GSR: variants seen among roughly 807,000 people sequenced by gnomAD.
GSR encodes glutathione-disulfide reductase.
Under a neutral mutation model 56.5 loss-of-function variants are expected in GSR, and 48 were observed. The ratio of observed to expected loss-of-function variants is 0.85; its 90% CI spans 0.67 to 1.08. The LOEUF is 1.08. Among genes scored for constraint, GSR ranks in the 50% least tolerant of loss-of-function variants. The pLI is 0.00. For missense variants in GSR, 694 were observed against 703.3 expected (o/e 0.99, Z 0.15); for synonymous variants, 264 against 270.8 (o/e 0.97, Z 0.25).
At chr8:30,719,231 C>T (rs1036738570) in intron 1 of GSR, among the ~76,000 whole-genome samples, 6 of 151,446 alleles carry the variant, frequency 4.0e-5, no homozygotes, top group African/African-American at 1.5e-4. Flanking sequence ...CTCAGCCTCC[C>T]GAGTAGCTGG....
intron 4 of GSR, chr8:30,704,585 G>T (rs1368966655): frequency 6.6e-6 from 1 of 152,324 alleles, no homozygotes; most frequent in East Asian, 1.9e-4. Context: ...TCACTTAGGG[G>T]CTGCTGGCAC....
Position 30,693,654 on chromosome 8 carries a change from G to A in GSR, c.796-599C>T, listed in dbSNP as rs562528869. 1.1e-4 allele frequency among the ~76,000 whole-genome samples: 17 copies of A among 151,980 alleles called. 1 individual carries two copies. In the East Asian group the frequency reaches 2.5e-3, roughly 23 times the overall value. The stretch of plus-strand genomic sequence containing the variant: ...AGCAATTCTCCCGCCTCATCCTCCC[G>A]AGGAGCTGGGATTACAGGCGCCCAC... On this transcript the variant is annotated intron_variant, in intron 7 of 12. Transcript: ENST00000221130.
At chr8:30,684,933 ATTTATTTATTTATTTATTTATT>A (rs1803106920) in intron 9 of GSR, among the ~76,000 whole-genome samples, 1 of 346 alleles carries the variant, frequency 2.9e-3, no homozygotes, top group Admixed American at 0.028. Flanking sequence ...ACATACATTT[ATTTATTTATTTATTTATTTATT>A]TATTTATTTA....
At chr8:30,714,860 T>C (rs980498285) in intron 1 of GSR, among the ~76,000 whole-genome samples, 2 of 152,182 alleles carry the variant, frequency 1.3e-5, no homozygotes, top group African/African-American at 4.8e-5. Context: ...AACAGTTTAA[T>C]GATCACTCAC....
At chr8:30,712,134 AC>A (rs781303384) in intron 1 of GSR, 46 bp from the exon 2 acceptor site, 69 of 1,092,010 alleles carry the variant, frequency 6.3e-5, no homozygotes, top group Non-Finnish European at 8.2e-5. Flanking sequence ...TTGAATTCAA[AC>A]CATCAAACGA....
chr8:30,679,266 G>C lies in GSR; in HGVS notation c.*254C>G. 2.0e-6 allele frequency: 1 copy of C among 491,092 alleles called. No individual in the cohort carries two copies. The highest frequency in any genetic ancestry group is 2.2e-5 in the South Asian group (1 of 44,732). The allele number at this position is 491,092 out of a possible 1,614,324, so 30.4% of individuals were successfully genotyped here. ...AAAACAGAAAAAAAAAACTAGCACA[G>C]AGCTGTTAATAAAAAAAAAACTTGA... On this transcript the variant is annotated 3_prime_UTR_variant, in exon 13 of 13. Coordinates refer to ENST00000221130, the MANE Select transcript of GSR (RefSeq NM_000637.5).
intron 1 of GSR, among the ~76,000 whole-genome samples, chr8:30,724,707 T>C (rs2472217): frequency 6.6e-6 from 1 of 152,020 alleles, no homozygotes; most frequent in Non-Finnish European, 1.5e-5. Context: ...GGCTAATTTT[T>C]GTATTTTTAG....
In GSR at chr8:30,684,809, G is replaced by A. The variant is rs146389537; in HGVS notation, c.1042-610C>T. Among the ~76,000 whole-genome samples the A allele has an allele frequency of 3.5e-3, 536 of 152,138 alleles. 3 individuals carry two copies. The highest frequency in any genetic ancestry group is 0.012 in the African/African-American group (501 of 41,526). On this transcript the variant is annotated intron_variant, in intron 9 of 12. Transcript: ENST00000221130. Reference sequence around the variant, plus strand: ...CTGTTACCCAGGCTGGAGTGCAGTGGTGTGATCATGGCTCACTGCAATCTT... The same window carrying A: ...CTGTTACCCAGGCTGGAGTGCAGTGATGTGATCATGGCTCACTGCAATCTT...
chr8:30,711,299 C>T (rs1329192763), intron 2 of GSR, among the ~76,000 whole-genome samples: 1 of 152,142 alleles, frequency 6.6e-6, no homozygotes, highest in Non-Finnish European at 1.5e-5. Flanking sequence ...TGGTAAAATT[C>T]TTTGCAAGTA....
chr8:30,690,658 T>C (rs1803349401), intron 8 of GSR, among the ~76,000 whole-genome samples: 1 of 152,204 alleles, frequency 6.6e-6, no homozygotes, highest in African/African-American at 2.4e-5. Flanking sequence ...GGGAAGATCA[T>C]TTTTAAAAGG....
chr8:30,727,447 CG>C, intron 1 of GSR, 82 bp downstream of exon 1: 1 of 1,273,492 alleles, frequency 7.9e-7, no homozygotes, highest in Non-Finnish European at 1.1e-6. Context: ...GGGACAGGAT[CG>C]CCATAGGAAC....
At chr8:30,695,837 C>T (rs564598346) in intron 7 of GSR, among the ~76,000 whole-genome samples, 75 of 151,856 alleles carry the variant, frequency 4.9e-4, no homozygotes, top group South Asian at 2.1e-3. Flanking sequence ...GTAGGGAGTT[C>T]GAGACCAGCC....
chr8:30,689,035 A>G, intron 9 of GSR, 126 bp downstream of exon 9: 5 of 798,832 alleles, frequency 6.3e-6, no homozygotes, highest in Non-Finnish European at 6.5e-6. Flanking sequence ...TCACAAACTG[A>G]ATACATGGGA....
intron 8 of GSR, among the ~76,000 whole-genome samples, chr8:30,689,637 G>A (rs1328751144): frequency 6.6e-6 from 1 of 151,566 alleles, no homozygotes. Context: ...AACATTTTAA[G>A]TGGTAAACCT....
At chr8:30,716,357 G>C (rs1161494997) in intron 1 of GSR, among the ~76,000 whole-genome samples, 2 of 152,204 alleles carry the variant, frequency 1.3e-5, no homozygotes, top group Non-Finnish European at 2.9e-5. Context: ...TGGGGCCTGG[G>C]GCACTGGTTG....
At chr8:30,700,723 CAA>C (rs55702917) in intron 5 of GSR, among the ~76,000 whole-genome samples, 1,028 of 79,972 alleles carry the variant, frequency 0.013, 24 homozygotes, top group African/African-American at 0.043. Context: ...ATTTTGTCTC[CAA>C]AAAAAAAAAA....
In GSR at chr8:30,727,630, A is replaced by T; in HGVS notation, c.206T>A (p.Val69Glu). The change falls in exon 1 of 13, where the codon GTG (valine) becomes GAG (glutamate). Residue 69 changes from valine (V) to glutamate (E), a missense_variant. By Grantham distance (121) the Val-to-Glu change is moderately radical. Transcript: ENST00000221130. ...CAGCCCGCCCGAGCCGCCCCCGATC[A>T]CCAGGTAGTCATAGGAGGCCACGGC... Reference protein sequence around the residue: ...AGAVASYDYLVIGGGSGGLAS... With the variant: ...AGAVASYDYLEIGGGSGGLAS... The T allele has an allele frequency of 6.6e-7, 1 of 1,506,806 alleles. No individual in the cohort carries two copies. Among genetic ancestry groups the T allele is most frequent in the Non-Finnish European group, 8.8e-7 (1 of 1,134,686 alleles). The allele number at this position is 1,506,806 out of a possible 1,614,324, so 93.3% of individuals were successfully genotyped here. A position where few individuals can be genotyped will look rare whatever the true frequency, so the allele number is the denominator to read the frequency against.
At chr8:30,705,494 C>T (rs955656756) in intron 4 of GSR, among the ~76,000 whole-genome samples, 1 of 152,156 alleles carries the variant, frequency 6.6e-6, no homozygotes, top group Non-Finnish European at 1.5e-5. Context: ...AATCTCCTGA[C>T]CTCATGATCC....
chr8:30,679,635 T>A lies in GSR; in HGVS notation c.1454A>T (p.Asp485Val). 1 of 1,613,714 alleles carries A rather than the reference T, an allele frequency of 6.2e-7. No individual in the cohort carries two copies. Among genetic ancestry groups the A allele is most frequent in the Non-Finnish European group, 8.5e-7 (1 of 1,179,852 alleles). Reference sequence around the variant, plus strand: ...AACAGCAAAACCCTGCAGCATTTCATCACACCCAAGTCCCTGCATATGGAT... The same window carrying A: ...AACAGCAAAACCCTGCAGCATTTCAACACACCCAAGTCCCTGCATATGGAT... ...VGIHMQGLGC[D>V]EMLQGFAVAV... The change falls in exon 13 of 13, where the codon GAT (aspartate) becomes GTT (valine). Residue 485 changes from aspartate (D) to valine (V), a missense_variant. Physicochemically the swap from Asp to Val is radical, Grantham distance 152 (BLOSUM62 -3). Transcript: ENST00000221130.
Sources: allele counts gnomAD v4.1 joint callset (sites outside exome capture counted in the v4.1 genomes callset), GRCh38; gene constraint gnomAD v4.1.1; transcripts MANE v1.5; gene names NCBI Gene and HGNC (gene_info 2026-07-23, HGNC 2026-07-21).